Variants in GAREM1 observed in about 807,000 individuals in gnomAD.
GAREM1 encodes the protein GRB2 associated regulator of MAPK1 subtype 1.
GAREM1 carries 26 observed loss-of-function variants against 71.3 expected under a neutral mutation model. The observed-to-expected ratio is 0.36, with a 90% CI of 0.27 to 0.51. GAREM1 has a LOEUF of 0.51. Among genes scored for constraint, GAREM1 ranks in the 20% least tolerant of loss-of-function variants. The pLI is 0.95. For synonymous variants in GAREM1, 440 were observed against 433.2 expected, an observed-to-expected ratio of 1.02 and a Z score of -0.20; for missense variants, 1,026 against 1,103.1, an observed-to-expected ratio of 0.93 and a Z score of 0.99.
chr18:32,277,992 A>G (rs1047153349), intron 4 of GAREM1, among the ~76,000 whole-genome samples: 2 of 152,188 alleles, frequency 1.3e-5, no homozygotes, highest in African/African-American at 2.4e-5. Flanking sequence ...TTATGAAACA[A>G]TATGTCTAAG....
At position 32,470,421 on chromosome 18, in the gene GAREM1, G is replaced by C. The variant is rs778849733; in HGVS notation, c.8C>G (p.Pro3Arg). The C allele has an allele frequency of 2.0e-6, 3 of 1,510,556 alleles. No homozygotes were observed. Among genetic ancestry groups the C allele is most frequent in the Non-Finnish European group, 2.7e-6 (3 of 1,125,290 alleles). The allele number at this position is 1,510,556 out of a possible 1,614,324, so 93.6% of individuals were successfully genotyped here. MD[P>R]APSLGCSLKD... is the part of the protein sequence containing the mutation. ...GAGGCTGCAGCCCAGCGAGGGCGCC[G>C]GGTCCATCTTCCCCGAAGCCTCCTG... The change falls in exon 1 of 6, where the codon CCG becomes CGG. Residue 3 changes from proline to arginine, a missense_variant. By Grantham distance (103) the Pro-to-Arg change is moderately radical. Transcript: ENST00000269209. This position sits in a 1 kb window ranked among gnomAD's most constrained non-coding sequence, Gnocchi z 4.4.
chr18:32,334,500 C>G (rs577440638), intron 2 of GAREM1, among the ~76,000 whole-genome samples: 1 of 152,288 alleles, frequency 6.6e-6, no homozygotes, highest in South Asian at 2.1e-4. Flanking sequence ...TAATATTTTT[C>G]TAGTCCAAGG....
chr18:32,390,273 G>A (rs2048183376), intron 2 of GAREM1, among the ~76,000 whole-genome samples: 1 of 152,002 alleles, frequency 6.6e-6, no homozygotes, highest in Non-Finnish European at 1.5e-5. Context: ...AATTTGTCTT[G>A]TAAAGCAAGT....
chr18:32,325,880 G>A (rs1353634993), intron 2 of GAREM1, among the ~76,000 whole-genome samples: 1 of 152,202 alleles, frequency 6.6e-6, no homozygotes, highest in Admixed American at 6.5e-5. Context: ...AAACATATAT[G>A]AAGGGCTTAA....
chr18:32,310,177 C>CT lies in GAREM1; in HGVS notation c.393+15dup. 2 of 1,612,938 alleles carry CT rather than the reference C, an allele frequency of 1.2e-6. No homozygotes were observed. The highest frequency in any genetic ancestry group is 1.7e-6 in the Non-Finnish European group (2 of 1,179,446). ...CTTTAGTGAGTATAAATATTTGGTG[C>CT]TTCAAGAGCTACTACCTTCACGTTG... is the stretch of plus-strand genomic sequence containing the variant. On this transcript the variant is annotated intron_variant, in intron 3 of 5. Coordinates refer to ENST00000269209, the MANE Select transcript of GAREM1 (RefSeq NM_001242409.2).
intron 2 of GAREM1, among the ~76,000 whole-genome samples, chr18:32,334,857 C>T (rs918157438): frequency 9.9e-5 from 15 of 152,078 alleles, no homozygotes; most frequent in African/African-American, 3.4e-4. Flanking sequence ...GGTTTGGGTA[C>T]GAGATATGTG....
intron 1 of GAREM1, among the ~76,000 whole-genome samples, chr18:32,400,566 T>C (rs1166128412): frequency 6.6e-6 from 1 of 152,080 alleles, no homozygotes; most frequent in Admixed American, 6.5e-5. Context: ...AACAGACACA[T>C]GAAAAAATGC....
intron 1 of GAREM1, among the ~76,000 whole-genome samples, chr18:32,441,640 C>T (rs2048738784): frequency 6.6e-6 from 1 of 152,136 alleles, no homozygotes. Flanking sequence ...TACCCAGAAA[C>T]AAAAGCAGCT....
intron 1 of GAREM1, among the ~76,000 whole-genome samples, chr18:32,410,631 T>C (rs1491001353): frequency 6.6e-6 from 1 of 152,194 alleles, no homozygotes; most frequent in Non-Finnish European, 1.5e-5. Flanking sequence ...CTATTATTAA[T>C]TAACTATATG....
intron 2 of GAREM1, among the ~76,000 whole-genome samples, chr18:32,373,174 C>CA (rs1193057024): frequency 6.6e-6 from 1 of 151,924 alleles, no homozygotes; most frequent in Non-Finnish European, 1.5e-5. Flanking sequence ...ACTAAATAGT[C>CA]AAACAGTCTA....
chr18:32,424,174 A>G (rs2048551051), intron 1 of GAREM1, among the ~76,000 whole-genome samples: 2 of 152,162 alleles, frequency 1.3e-5, no homozygotes, highest in South Asian at 4.1e-4. Context: ...AGTGTCTCAC[A>G]GGAGTACTTC....
intron 2 of GAREM1, among the ~76,000 whole-genome samples, chr18:32,335,492 T>C (rs2047581932): frequency 6.6e-6 from 1 of 152,156 alleles, no homozygotes; most frequent in Non-Finnish European, 1.5e-5. Context: ...CTAATCACCA[T>C]GGGAGAATAT....
chr18:32,415,020 G>C (rs1354440440), intron 1 of GAREM1, among the ~76,000 whole-genome samples: 1 of 151,970 alleles, frequency 6.6e-6, no homozygotes, highest in Non-Finnish European at 1.5e-5. Context: ...AAAAAAAGGA[G>C]ATATTACAAC....
intron 3 of GAREM1, among the ~76,000 whole-genome samples, chr18:32,291,500 AT>A (rs552845525): frequency 5.3e-5 from 8 of 149,930 alleles, no homozygotes; most frequent in Non-Finnish European, 7.4e-5. Context: ...GTCAACAAGA[AT>A]TTTTTTTTTA....
chr18:32,341,552 A>T (rs2047647876), intron 2 of GAREM1, among the ~76,000 whole-genome samples: 2 of 152,350 alleles, frequency 1.3e-5, no homozygotes, highest in South Asian at 4.1e-4. Context: ...AGGAATCATC[A>T]CACTATCTTC....
chr18:32,447,725 T>C (rs1451574783), intron 1 of GAREM1, among the ~76,000 whole-genome samples: 1 of 152,162 alleles, frequency 6.6e-6, no homozygotes, highest in African/African-American at 2.4e-5. Context: ...AATTTTAAAA[T>C]TTCTTGATGA....
At chr18:32,316,631 A>G (rs192092992) in intron 2 of GAREM1, among the ~76,000 whole-genome samples, 2 of 152,072 alleles carry the variant, frequency 1.3e-5, no homozygotes, top group Non-Finnish European at 2.9e-5. Context: ...TTTTTTGTAG[A>G]GATGAGGTTT....
chr18:32,359,322 T>TTATCTTTCTTA (rs1213543198), intron 2 of GAREM1, among the ~76,000 whole-genome samples: 12 of 152,184 alleles, frequency 7.9e-5, no homozygotes, highest in Non-Finnish European at 1.3e-4. Context: ...TATGAATGAC[T>TTATCTTTCTTA]TGTATATCTT....
At chr18:32,387,239 T>C (rs2048156503) in intron 2 of GAREM1, among the ~76,000 whole-genome samples, 1 of 152,166 alleles carries the variant, frequency 6.6e-6, no homozygotes, top group South Asian at 2.1e-4. Context: ...AATTCCTGGC[T>C]AGAATTAAGT....
Sources: gnomAD v4.1 joint callset for allele counts (sites outside exome capture counted in the v4.1 genomes callset) on GRCh38, gnomAD v4.1.1 for gene constraint, Gnocchi (gnomAD v3.1) non-coding constraint, MANE v1.5 for transcripts, NCBI Gene and HGNC (gene_info 2026-07-23, HGNC 2026-07-21) for gene names.